LSAMP: variants seen among roughly 807,000 people sequenced by gnomAD.
The protein encoded by LSAMP is limbic system associated membrane protein.
In LSAMP, 7 loss-of-function variants were observed where a neutral mutation model predicts 38.6. The ratio of observed to expected loss-of-function variants is 0.18; its 90% confidence interval spans 0.10 to 0.34. LSAMP has a LOEUF of 0.34. LSAMP is among the 10% of genes least tolerant of loss of function. LSAMP has a pLI of 1.00. For synonymous variants in LSAMP, 154 were observed against 166.8 expected (o/e 0.92, Z 0.59); for missense variants, 313 against 420.0 (o/e 0.75, Z 2.23).
intron 1 of LSAMP, among the ~76,000 whole-genome samples, chr3:116,382,055 C>G (rs2048566436): frequency 6.6e-6 from 1 of 152,094 alleles, no homozygotes; most frequent in Non-Finnish European, 1.5e-5. Context: ...TACTTTTACA[C>G]TTTTGGTTCA....
intron 1 of LSAMP, among the ~76,000 whole-genome samples, chr3:116,130,887 A>C (rs1709112205): frequency 6.7e-6 from 1 of 149,708 alleles, no homozygotes; most frequent in South Asian, 2.1e-4. Context: ...GAATTCTTCC[A>C]CTTCTCTCAC....
Position 116,130,776 on chromosome 3 carries a change from T to A in LSAMP, c.156-44220A>T, listed in dbSNP as rs73858544. 2.9e-3 allele frequency among the ~76,000 whole-genome samples: 436 copies of A among 152,180 alleles called. 2 individuals are homozygous for A. The highest frequency in any genetic ancestry group is 9.9e-3 in the African/African-American group (413 of 41,512). ...TACAGGTTTTTCCACATTGAAAAAA[T>A]TACCTACCCAGAAATCCTAAACATA... On this transcript the variant is annotated intron_variant, in intron 1 of 6. Coordinates refer to ENST00000490035, the MANE Select transcript of LSAMP (RefSeq NM_002338.5).
chr3:115,881,039 A>AATAAATAAATAAATAC (rs1936308572), intron 3 of LSAMP, among the ~76,000 whole-genome samples: 1 of 149,894 alleles, frequency 6.7e-6, no homozygotes. Context: ...CTGTCTCAAA[A>AATAAATAAATAAATAC]ATAAATAAAT....
At chr3:116,167,342 A>C (rs2107548047) in intron 1 of LSAMP, among the ~76,000 whole-genome samples, 1 of 152,356 alleles carries the variant, frequency 6.6e-6, no homozygotes, top group South Asian at 2.1e-4. Flanking sequence ...GTTGTACTGC[A>C]CATGAGTGAA....
At chr3:115,874,557 T>C (rs1936133198) in intron 3 of LSAMP, among the ~76,000 whole-genome samples, 2 of 152,256 alleles carry the variant, frequency 1.3e-5, no homozygotes, top group African/African-American at 4.8e-5. Flanking sequence ...CATTGCTTCA[T>C]TGACTTGTAC....
At chr3:115,814,588 C>T (rs145412992) in intron 6 of LSAMP, among the ~76,000 whole-genome samples, 2 of 152,086 alleles carry the variant, frequency 1.3e-5, no homozygotes, top group Admixed American at 1.3e-4. Context: ...TCCTAGGAGC[C>T]CATTTCTTGG....
chr3:115,943,493 G>C (rs1937997539), intron 3 of LSAMP, among the ~76,000 whole-genome samples: 1 of 152,134 alleles, frequency 6.6e-6, no homozygotes, highest in Non-Finnish European at 1.5e-5. Flanking sequence ...TGCTCCTATA[G>C]TTAGGCTAAT....
intron 1 of LSAMP, among the ~76,000 whole-genome samples, chr3:116,337,817 A>T (rs2047941848): frequency 6.6e-6 from 1 of 151,990 alleles, no homozygotes; most frequent in South Asian, 2.1e-4. Context: ...TCAGTGAGCA[A>T]CTCATTACAA....
intron 3 of LSAMP, among the ~76,000 whole-genome samples, chr3:115,856,228 AAG>A (rs1194512644): frequency 6.6e-6 from 1 of 152,158 alleles, no homozygotes; most frequent in Admixed American, 6.5e-5. Flanking sequence ...GTTGAAACTT[AAG>A]CCCCAAAGTG....
At chr3:116,069,010 C>A (rs917064573) in intron 2 of LSAMP, among the ~76,000 whole-genome samples, 4 of 152,244 alleles carry the variant, frequency 2.6e-5, no homozygotes, top group Non-Finnish European at 5.9e-5. Flanking sequence ...TATCACTTTA[C>A]ATAAACTATG....
At chr3:116,014,582 C>G (rs539384091) in intron 3 of LSAMP, among the ~76,000 whole-genome samples, 5 of 152,270 alleles carry the variant, frequency 3.3e-5, no homozygotes, top group African/African-American at 7.2e-5. Context: ...TGGCCAACAG[C>G]CTTTACCTGC....
intron 1 of LSAMP, among the ~76,000 whole-genome samples, chr3:116,282,669 C>G (rs993961279): frequency 6.6e-6 from 1 of 152,132 alleles, no homozygotes; most frequent in Non-Finnish European, 1.5e-5. Context: ...AAAAAATGCT[C>G]TGGAATGTAA....
intron 1 of LSAMP, among the ~76,000 whole-genome samples, chr3:116,243,753 T>C (rs1208602533): frequency 1.3e-5 from 2 of 152,194 alleles, no homozygotes; most frequent in Non-Finnish European, 2.9e-5. Flanking sequence ...CTGAACTAAA[T>C]GTCTATAGGA....
intron 3 of LSAMP, among the ~76,000 whole-genome samples, chr3:115,877,574 G>A (rs1021367069): frequency 2.0e-5 from 3 of 148,482 alleles, no homozygotes; most frequent in Non-Finnish European, 3.0e-5. Context: ...TCAAGAGCAC[G>A]GGCCCAGAGT....
At chr3:116,066,771 A>C (rs563713111) in intron 2 of LSAMP, among the ~76,000 whole-genome samples, 47 of 152,266 alleles carry the variant, frequency 3.1e-4, no homozygotes, top group South Asian at 1.0e-3. Flanking sequence ...ACCCTAATAG[A>C]TCTCTTCCTG....
chr3:115,924,386 A>G (rs1937452212), intron 3 of LSAMP, among the ~76,000 whole-genome samples: 1 of 152,138 alleles, frequency 6.6e-6, no homozygotes, highest in African/African-American at 2.4e-5. Flanking sequence ...CTTTCATTAA[A>G]TTTTACAATT....
At chr3:116,433,640 G>A (rs1361308268) in intron 1 of LSAMP, among the ~76,000 whole-genome samples, 4 of 152,144 alleles carry the variant, frequency 2.6e-5, no homozygotes, top group African/African-American at 2.4e-5. Flanking sequence ...TATGCACATT[G>A]CCTCATTTCA....
rs1933653050 is a variant in LSAMP, at chr3:115,807,333, C to T, written c.*2984G>A. 6.6e-6 allele frequency: 1 copy of T among 152,068 alleles called. No individual in the cohort carries two copies. The highest frequency in any genetic ancestry group is 2.4e-5 in the African/African-American group (1 of 41,398). 9.4% of individuals were successfully genotyped at this position (152,068 alleles called of 1,614,324 possible). A position where few individuals can be genotyped will look rare whatever the true frequency, so the allele number is the denominator to read the frequency against. On this transcript the variant is annotated 3_prime_UTR_variant, in exon 7 of 7. Transcript: ENST00000490035. ...GACAATGTTTTCTCTGAAACAGGAA[C>T]CAGAAGCAAATTTTTAAAATTTCAA...
intron 3 of LSAMP, among the ~76,000 whole-genome samples, chr3:115,854,271 T>C (rs1346309445): frequency 8.2e-6 from 1 of 121,736 alleles, no homozygotes; most frequent in African/African-American, 3.3e-5. Flanking sequence ...ATTATTATTA[T>C]TATTATTATT....
Sources: allele counts gnomAD v4.1 joint callset (sites outside exome capture counted in the v4.1 genomes callset), GRCh38; gene constraint gnomAD v4.1.1; transcripts MANE v1.5; gene names NCBI Gene and HGNC (gene_info 2026-07-23, HGNC 2026-07-21).